The following MATN2 variants were observed in gnomAD, a reference collection of about 807,000 sequenced individuals.
MATN2 encodes matrilin 2, also known as matrilin-2.
In MATN2, 69 loss-of-function variants were observed where a neutral mutation model predicts 103.2. The observed-to-expected ratio is 0.67, with a 90% CI of 0.55 to 0.82. MATN2 has a LOEUF of 0.82. Ranked by LOEUF, MATN2 falls within the 40% of genes least tolerant of loss-of-function variation. The pLI is 0.00. For synonymous variants in MATN2, 429 were observed against 450.2 expected (o/e 0.95, Z 0.60); for missense variants, 1,023 against 1,211.5 (o/e 0.84, Z 2.31).
intron 5 of MATN2, among the ~76,000 whole-genome samples, chr8:97,969,330 T>A (rs1811584022): frequency 6.6e-6 from 1 of 152,218 alleles, no homozygotes; most frequent in Non-Finnish European, 1.5e-5. Flanking sequence ...TAAGCACATA[T>A]CTTTAAGTCT....
intron 2 of MATN2, among the ~76,000 whole-genome samples, chr8:97,914,523 A>G (rs958152552): frequency 4.6e-5 from 7 of 151,250 alleles, no homozygotes; most frequent in African/African-American, 1.7e-4. Flanking sequence ...GGCCTGCACC[A>G]TTACACCCGG....
intron 4 of MATN2, among the ~76,000 whole-genome samples, chr8:97,956,341 C>T (rs1347192775): frequency 6.6e-6 from 1 of 152,154 alleles, no homozygotes; most frequent in Admixed American, 6.5e-5. Context: ...CCACATCTGG[C>T]TAATTTTGTA....
chr8:98,008,585 T>G (rs1440964892), intron 10 of MATN2, among the ~76,000 whole-genome samples: 1 of 152,224 alleles, frequency 6.6e-6, no homozygotes, highest in Non-Finnish European at 1.5e-5. Flanking sequence ...GGACAGATCC[T>G]TGGATCTTAG....
chr8:97,880,753 T>C (rs903589903), intron 1 of MATN2, among the ~76,000 whole-genome samples: 1 of 152,118 alleles, frequency 6.6e-6, no homozygotes, highest in African/African-American at 2.4e-5. Context: ...TCTGATTCCT[T>C]AAAAAATCCT....
intron 4 of MATN2, among the ~76,000 whole-genome samples, chr8:97,947,060 C>A (rs531170432): frequency 1.3e-5 from 2 of 152,226 alleles, no homozygotes; most frequent in South Asian, 4.1e-4. Flanking sequence ...GTTTAACATT[C>A]AAAAATCAAT....
Position 97,913,270 on chromosome 8 carries a change from G to C in MATN2, c.143-17683G>C, listed in dbSNP as rs1355341683. 2.0e-4 allele frequency among the ~76,000 whole-genome samples: 31 copies of C among 151,782 alleles called. No homozygotes were observed. The Middle Eastern group carries it at 0.01, about 51-fold the overall frequency. On this transcript the variant is annotated intron_variant, in intron 2 of 18. Transcript: ENST00000254898. ...CAACGCTGGAAGACTCATGGGGAGA[G>C]TTGGGAGTTCATGCCAAGTGCCAAT...
rs1812934970 is a variant in MATN2 at position 98,005,410 on chromosome 8, G to A, written c.1327+1627G>A. On this transcript the variant is annotated intron_variant, in intron 8 of 18. Transcript: ENST00000254898. The surrounding 1 kb of genome is among the most constrained non-coding windows in gnomAD (Gnocchi z 4.6). ...TCCCGGAGTGTCAGGTCTGCCAGCT[G>A]ATGGCCCTGGCAATTTTCCCAGGGC... Among the ~76,000 whole-genome samples the A allele has an allele frequency of 6.6e-6, 1 of 152,140 alleles. No homozygotes were observed. Among genetic ancestry groups the A allele is most frequent in the South Asian group, 2.1e-4 (1 of 4,820 alleles).
chr8:98,001,521 G>C (rs189014527), intron 7 of MATN2, among the ~76,000 whole-genome samples: 2 of 147,820 alleles, frequency 1.4e-5, no homozygotes, highest in Non-Finnish European at 3.0e-5. Flanking sequence ...CTGGAGTGCA[G>C]TGGCACAATC....
intron 2 of MATN2, among the ~76,000 whole-genome samples, chr8:97,906,662 C>T (rs1294805430): frequency 6.6e-6 from 1 of 152,170 alleles, no homozygotes; most frequent in South Asian, 2.1e-4. Context: ...CTGCTAAATC[C>T]TTATCCAGCC....
chr8:98,034,596 G>A (rs1273938823), intron 18 of MATN2, among the ~76,000 whole-genome samples: 1 of 152,228 alleles, frequency 6.6e-6, no homozygotes, highest in Middle Eastern at 3.4e-3. Flanking sequence ...GGGTACTGAG[G>A]AGCTTACAGG....
intron 2 of MATN2, among the ~76,000 whole-genome samples, chr8:97,896,036 T>A (rs1254947573): frequency 1.3e-5 from 2 of 152,158 alleles, no homozygotes; most frequent in Non-Finnish European, 2.9e-5. Context: ...GTGTAGACCA[T>A]AGAATGCCCT....
intron 6 of MATN2, among the ~76,000 whole-genome samples, chr8:97,991,754 G>A (rs1812397653): frequency 6.6e-6 from 1 of 152,040 alleles, no homozygotes; most frequent in Admixed American, 6.6e-5. Context: ...TTCAGAAATG[G>A]GGTCTTGCTA....
chr8:98,021,579 G>C (rs2082597005), intron 13 of MATN2, among the ~76,000 whole-genome samples: 1 of 152,116 alleles, frequency 6.6e-6, no homozygotes, highest in Admixed American at 6.5e-5. Context: ...GTCTGCATGA[G>C]GGAGGTGGAG....
chr8:97,920,276 C>A (rs569317349), intron 2 of MATN2, among the ~76,000 whole-genome samples: 3 of 152,146 alleles, frequency 2.0e-5, no homozygotes, highest in Admixed American at 2.0e-4. Flanking sequence ...GGCGTGATCT[C>A]GACTCACTGC....
chr8:98,010,245 T>C (rs2130396958), intron 10 of MATN2, among the ~76,000 whole-genome samples: 1 of 152,182 alleles, frequency 6.6e-6, no homozygotes, highest in South Asian at 2.1e-4. Flanking sequence ...TCCCACCTGA[T>C]AGGCTCTCCT....
intron 2 of MATN2, among the ~76,000 whole-genome samples, chr8:97,916,386 TTTTAAC>T (rs1445922079): frequency 6.6e-6 from 1 of 152,172 alleles, no homozygotes; most frequent in Admixed American, 6.6e-5. Flanking sequence ...TTGTTTTTAA[TTTTAAC>T]TTTAATTTTA....
At position 97,931,508 on chromosome 8, in the gene MATN2, A is replaced by C; in HGVS notation, c.698A>C (p.Gln233Pro). 6.2e-7 allele frequency: 1 copy of C among 1,607,280 alleles called. No homozygotes were observed. Among genetic ancestry groups the C allele is most frequent in the Non-Finnish European group, 8.5e-7 (1 of 1,177,030 alleles). ...ATTGAGACGCTGACCTCCGTGTTCC[A>C]GAAGAAGTTGTGCAGTAAGTCCTGC... ...SQIETLTSVFQKKLCTAHMCS... is the reference protein window; with the variant it reads ...SQIETLTSVFPKKLCTAHMCS... Residue 233 changes from glutamine (Q) to proline (P), a missense_variant, in exon 3 of 19, where the codon CAG (glutamine) becomes CCG (proline). Transcript: ENST00000254898. The surrounding 1 kb of genome is among the most constrained non-coding windows in gnomAD (Gnocchi z 4.1).
intron 12 of MATN2, among the ~76,000 whole-genome samples, chr8:98,020,403 C>T (rs1383648321): frequency 6.6e-6 from 1 of 152,196 alleles, no homozygotes; most frequent in Non-Finnish European, 1.5e-5. Flanking sequence ...GCCTCGGCCT[C>T]CCAAAGTGTT....
intron 5 of MATN2, among the ~76,000 whole-genome samples, chr8:97,967,435 A>G (rs1045158935): frequency 1.3e-5 from 2 of 152,004 alleles, no homozygotes; most frequent in African/African-American, 4.8e-5. Context: ...TGAGCCTGTG[A>G]GATTTAAAAA....
Sources: gnomAD v4.1 joint callset for allele counts (sites outside exome capture counted in the v4.1 genomes callset) on GRCh38, gnomAD v4.1.1 for gene constraint, Gnocchi (gnomAD v3.1) non-coding constraint, MANE v1.5 for transcripts, NCBI Gene and HGNC (gene_info 2026-07-23, HGNC 2026-07-21) for gene names.